Variants in ACAD11 observed in about 807,000 individuals in gnomAD.
The protein encoded by ACAD11 is acyl-CoA dehydrogenase family member 11, also known as acyl-Coenzyme A dehydrogenase family, member 11.
Under a neutral mutation model 102.2 loss-of-function variants are expected in ACAD11, and 83 were observed. That is an observed-to-expected ratio of 0.81 (90% CI 0.68 to 0.97). The LOEUF is 0.97. Among genes scored for constraint, ACAD11 ranks in the 50% least tolerant of loss-of-function variants. The probability of loss-of-function intolerance (pLI) is 0.00; values close to 1 mark genes in which losing one functional copy is unlikely to be tolerated. For synonymous variants in ACAD11, 324 were observed against 319.8 expected, an observed-to-expected ratio of 1.01 and a Z score of -0.14; for missense variants, 901 against 951.7, an observed-to-expected ratio of 0.95 and a Z score of 0.70.
chr3:132,609,115 C>G (rs1033264458), intron 11 of ACAD11, among the ~76,000 whole-genome samples: 1 of 151,986 alleles, frequency 6.6e-6, no homozygotes, highest in Non-Finnish European at 1.5e-5. Flanking sequence ...CACAATGTAC[C>G]AGAATCTCTG....
rs141543946 is a variant in ACAD11, at chr3:132,563,965, A to T, written c.2002-2748T>A. Among the ~76,000 whole-genome samples, 1,192 of 152,294 alleles carry T rather than the reference A, an allele frequency of 7.8e-3. 17 individuals are homozygous for T. The highest frequency in any genetic ancestry group is 0.027 in the African/African-American group (1,121 of 41,562). On this transcript the variant is annotated intron_variant, in intron 17 of 19. Transcript: ENST00000264990. ...TTCCTTTGTATTCCCAGTTTGCTGAAAGTTTCTATCATAAACAGATGCTGA... is the reference window on the plus strand; with the variant it reads ...TTCCTTTGTATTCCCAGTTTGCTGATAGTTTCTATCATAAACAGATGCTGA...
chr3:132,591,021 T>G (rs1244381046), intron 13 of ACAD11, among the ~76,000 whole-genome samples: 1 of 152,222 alleles, frequency 6.6e-6, no homozygotes, highest in African/African-American at 2.4e-5. Context: ...AGATCTCACT[T>G]GTCAATTTTT....
chr3:132,577,118 C>G (rs1452413437), intron 15 of ACAD11, 103 bp from the exon 16 acceptor site: 8 of 763,906 alleles, frequency 1.0e-5, no homozygotes, highest in Non-Finnish European at 1.7e-5. Flanking sequence ...AATAGGATTT[C>G]AAAGATCCAT....
At chr3:132,654,452 A>G (rs2107906431) in intron 1 of ACAD11, 1 of 152,356 alleles carries the variant, frequency 6.6e-6, no homozygotes, top group South Asian at 2.1e-4. Context: ...GACTGAGGTG[A>G]TAAGATAGCA....
At position 132,618,179 on chromosome 3, in the gene ACAD11, G is replaced by A. The variant is rs190790508; in HGVS notation, c.1414+455C>T. 199 of 153,970 alleles carry A rather than the reference G, an allele frequency of 1.3e-3. 1 individual carries two copies. The highest frequency in any genetic ancestry group is 4.4e-3 in the African/African-American group (182 of 41,588). 9.5% of individuals were successfully genotyped at this position (153,970 alleles called of 1,614,324 possible). A position where few individuals can be genotyped will look rare whatever the true frequency, so the allele number is the denominator to read the frequency against. The stretch of plus-strand genomic sequence containing the variant: ...GATCCTTGAAAGAAGGCATCTTTGC[G>A]TATTTTATTCACTGATATATCATTG... On this transcript the variant is annotated intron_variant, in intron 11 of 19. Coordinates refer to ENST00000264990, the MANE Select transcript of ACAD11 (RefSeq NM_032169.5).
At chr3:132,560,609 G>A (rs1326415482) in intron 18 of ACAD11, among the ~76,000 whole-genome samples, 2 of 151,872 alleles carry the variant, frequency 1.3e-5, no homozygotes, top group Admixed American at 1.3e-4. Flanking sequence ...GTCTCACTAT[G>A]TTGCCCAGGC....
At chr3:132,571,236 T>C (rs1937365895) in intron 17 of ACAD11, among the ~76,000 whole-genome samples, 1 of 152,090 alleles carries the variant, frequency 6.6e-6, no homozygotes, top group Non-Finnish European at 1.5e-5. Flanking sequence ...TTTTTATTTG[T>C]ATTTCTCTAA....
At chr3:132,607,855 A>G (rs1576584954) in intron 11 of ACAD11, among the ~76,000 whole-genome samples, 1 of 152,200 alleles carries the variant, frequency 6.6e-6, no homozygotes. Context: ...GAAAGAAAAA[A>G]TGTGAGGGGC....
rs1576634779 is a variant in ACAD11, at chr3:132,659,669, T to C, written c.83A>G (p.Tyr28Cys). The change falls in exon 1 of 20, where the codon TAC becomes TGC. Residue 28 changes from tyrosine (Y) to cysteine (C), a missense_variant. By Grantham distance (194) the Tyr-to-Cys change is radical. Coordinates refer to ENST00000264990, the MANE Select transcript of ACAD11 (RefSeq NM_032169.5). ...AAAGCCAGACAAGTGCTGGTTTAGG[T>C]AGGCCTCCAGGGACTTGCTGTCGAA... ...HKFDSKSLEA[Y>C]LNQHLSGFGA... 1.2e-6 allele frequency: 2 copies of C among 1,611,762 alleles called. No individual in the cohort carries two copies. The highest frequency in any genetic ancestry group is 2.2e-5 in the East Asian group (1 of 44,588).
At chr3:132,570,903 T>C (rs1272277346) in intron 17 of ACAD11, among the ~76,000 whole-genome samples, 1 of 152,204 alleles carries the variant, frequency 6.6e-6, no homozygotes, top group Non-Finnish European at 1.5e-5. Context: ...CTTTATCCAG[T>C]CTATCATTGA....
At chr3:132,584,421 C>T (rs1175068761) in intron 13 of ACAD11, among the ~76,000 whole-genome samples, 1 of 152,150 alleles carries the variant, frequency 6.6e-6, no homozygotes, top group Non-Finnish European at 1.5e-5. Flanking sequence ...GGTAGACTTT[C>T]CTCCAGCCCT....
At chr3:132,606,112 G>A (rs1371897210) in intron 11 of ACAD11, among the ~76,000 whole-genome samples, 2 of 152,074 alleles carry the variant, frequency 1.3e-5, no homozygotes, top group Non-Finnish European at 2.9e-5. Flanking sequence ...CCTTTCCCTT[G>A]AGTGTTGATT....
intron 9 of ACAD11, among the ~76,000 whole-genome samples, chr3:132,625,815 T>C (rs868654426): frequency 2.0e-5 from 3 of 152,312 alleles, no homozygotes; most frequent in African/African-American, 7.2e-5. Flanking sequence ...CCTCTCAGAA[T>C]CATAGATGAT....
In ACAD11 at chr3:132,613,387, A is replaced by T. The variant is rs530938732; in HGVS notation, c.1414+5247T>A. ...AACTTTAAGTATAATAATAATAAAA[A>T]TAACTAAATAAAAATAATATTCTAA... On this transcript the variant is annotated intron_variant, in intron 11 of 19. Transcript: ENST00000264990. Among the ~76,000 whole-genome samples the T allele has an allele frequency of 1.9e-4, 28 of 147,988 alleles. 1 individual carries two copies. Among genetic ancestry groups the T allele is most frequent in the Admixed American group, 8.2e-4 (12 of 14,594 alleles).
intron 13 of ACAD11, among the ~76,000 whole-genome samples, chr3:132,591,262 G>T (rs1938064909): frequency 6.6e-6 from 1 of 152,146 alleles, no homozygotes; most frequent in African/African-American, 2.4e-5. Context: ...AGAATAGGGA[G>T]TCTTTTCCCC....
At chr3:132,622,672 C>T (rs1939652902) in intron 9 of ACAD11, among the ~76,000 whole-genome samples, 1 of 152,174 alleles carries the variant, frequency 6.6e-6, no homozygotes, top group Non-Finnish European at 1.5e-5. Flanking sequence ...AAGAACCCTT[C>T]TTTGGTTCTT....
chr3:132,648,057 C>T (rs1050928814), intron 1 of ACAD11, among the ~76,000 whole-genome samples: 1 of 152,132 alleles, frequency 6.6e-6, no homozygotes, highest in Non-Finnish European at 1.5e-5. Flanking sequence ...GTAAGGATTT[C>T]AACATATGAA....
intron 13 of ACAD11, among the ~76,000 whole-genome samples, chr3:132,598,294 C>T (rs1938405143): frequency 1.3e-5 from 2 of 152,268 alleles, no homozygotes; most frequent in Non-Finnish European, 2.9e-5. Context: ...CTTAATACTA[C>T]GGGGTGCTAG....
intron 17 of ACAD11, among the ~76,000 whole-genome samples, chr3:132,562,383 G>A (rs575041082): frequency 1.3e-5 from 2 of 152,340 alleles, no homozygotes; most frequent in Admixed American, 6.5e-5. Context: ...GATTACAGGC[G>A]TGAGCCATCG....
Sources: allele counts gnomAD v4.1 joint callset (sites outside exome capture counted in the v4.1 genomes callset), GRCh38; gene constraint gnomAD v4.1.1; transcripts MANE v1.5; gene names NCBI Gene and HGNC (gene_info 2026-07-23, HGNC 2026-07-21).